The following KLB variants were observed in gnomAD, a reference collection of about 807,000 sequenced individuals.
KLB encodes the protein klotho beta, also known as beta-klotho.
Under a neutral mutation model 88.4 loss-of-function variants are expected in KLB, and 44 were observed. The ratio of observed to expected loss-of-function variants is 0.50; its 90% confidence interval spans 0.39 to 0.64. The LOEUF (loss-of-function observed/expected upper bound fraction) is 0.64. Ranked by LOEUF, KLB falls within the 30% of genes least tolerant of loss-of-function variation. The pLI is 0.00. For missense variants in KLB, 1,137 were observed against 1,304.8 expected (o/e 0.87, Z 1.98); for synonymous variants, 548 against 513.4 (o/e 1.07, Z -0.91).
chr4:39,430,147 A>G (rs569180172), intron 1 of KLB, among the ~76,000 whole-genome samples: 113 of 152,330 alleles, frequency 7.4e-4, no homozygotes, highest in African/African-American at 2.6e-3. Flanking sequence ...TCATATAATC[A>G]CTGAAATTTA....
intron 1 of KLB, among the ~76,000 whole-genome samples, chr4:39,417,535 A>T (rs1742990298): frequency 6.6e-6 from 1 of 151,732 alleles, no homozygotes; most frequent in South Asian, 2.1e-4. Flanking sequence ...CTGGTCTTGA[A>T]CTCCTAACCT....
At chr4:39,426,430 AAAAAAAAAG>A (rs1220541055) in intron 1 of KLB, among the ~76,000 whole-genome samples, 2 of 147,540 alleles carry the variant, frequency 1.4e-5, no homozygotes, top group Non-Finnish European at 3.0e-5. Flanking sequence ...AAAAAAAAAA[AAAAAAAAAG>A]GGCCATGAAA....
chr4:39,448,460 A>C lies in KLB; in HGVS notation c.2909A>C (p.Glu970Ala). The C allele has an allele frequency of 6.2e-7, 1 of 1,614,168 alleles. No homozygotes were observed. The highest frequency in any genetic ancestry group is 1.3e-5 in the African/African-American group (1 of 75,070). Residue 970 changes from glutamate to alanine, a missense_variant, in exon 5 of 5, where the codon GAG becomes GCG. Around this residue, in one of 4 missense-constraint regions of KLB, gnomAD observed 426 missense variants for 404.6 expected, o/e 1.05. Coordinates refer to ENST00000257408, the MANE Select transcript of KLB (RefSeq NM_175737.4). ...KVISSRGFPF[E>A]NSSSRCSQTQ... is the part of the protein sequence containing the mutation. ...ATCAGCAGCAGGGGCTTCCCTTTTG[A>C]GAACAGTAGTTCTAGATGCAGTCAG...
chr4:39,407,375 T>C lies in KLB; in HGVS notation c.426T>C (p.Asp142=). ...TGGAAAAAGACTTATCAGCCCTGGA[T>C]TTTATAGGAGTTTCTTTTTATCAAT... ...IFLEKDLSAL[D]FIGVSFYQFS... is the part of the protein sequence containing the mutation. Residue 142 remains aspartate, a synonymous_variant, in exon 1 of 5, where the codon GAT becomes GAC. Coordinates refer to ENST00000257408, the MANE Select transcript of KLB (RefSeq NM_175737.4). The C allele has an allele frequency of 1.2e-6, 2 of 1,613,930 alleles. No homozygotes were observed. The highest frequency in any genetic ancestry group is 1.7e-6 in the Non-Finnish European group (2 of 1,179,966).
In KLB at chr4:39,448,313, A is replaced by G; in HGVS notation, c.2762A>G (p.Asp921Gly). ...TTATCTTTTTCAGCATACCTGATTG[A>G]TAAAGTCAGAATCAAAGGCTATTAT... ...LQEVLKAYLIDKVRIKGYYAF... is the reference protein window; with the variant it reads ...LQEVLKAYLIGKVRIKGYYAF... The change falls in exon 5 of 5, where the codon GAT becomes GGT. Residue 921 changes from aspartate to glycine, a missense_variant. Around this residue, in one of 4 missense-constraint regions of KLB, gnomAD observed 426 missense variants for 404.6 expected, o/e 1.05. Coordinates refer to ENST00000257408, the MANE Select transcript of KLB (RefSeq NM_175737.4). 2 of 1,590,966 alleles carry G rather than the reference A, an allele frequency of 1.3e-6. No homozygotes were observed. The highest frequency in any genetic ancestry group is 1.3e-5 in the African/African-American group (1 of 74,248).
intron 3 of KLB, among the ~76,000 whole-genome samples, chr4:39,443,920 G>C (rs1387607519): frequency 6.6e-6 from 1 of 151,960 alleles, no homozygotes; most frequent in East Asian, 1.9e-4. Context: ...ACTTTGGGAG[G>C]CCGAGGTGGG....
At chr4:39,412,898 T>C (rs980198958) in intron 1 of KLB, among the ~76,000 whole-genome samples, 1 of 152,258 alleles carries the variant, frequency 6.6e-6, no homozygotes, top group Non-Finnish European at 1.5e-5. Flanking sequence ...TCAAGTTCAA[T>C]CTTCATATTT....
chr4:39,415,240 A>G (rs1260142646), intron 1 of KLB, among the ~76,000 whole-genome samples: 1 of 152,058 alleles, frequency 6.6e-6, no homozygotes, highest in Non-Finnish European at 1.5e-5. Flanking sequence ...GTGTCACTTT[A>G]TGTTCTATTT....
intron 3 of KLB, among the ~76,000 whole-genome samples, chr4:39,443,907 A>G (rs1743675939): frequency 6.6e-6 from 1 of 152,014 alleles, no homozygotes; most frequent in South Asian, 2.1e-4. Flanking sequence ...CTGTAATCCC[A>G]GCACTTTGGG....
intron 3 of KLB, among the ~76,000 whole-genome samples, chr4:39,439,753 C>T (rs1743557060): frequency 6.6e-6 from 1 of 151,660 alleles, no homozygotes; most frequent in Non-Finnish European, 1.5e-5. Context: ...CTGCAACCTT[C>T]GCCTCCTGGG....
chr4:39,448,757 T>A lies in KLB; in HGVS notation c.*71T>A. On this transcript the variant is annotated 3_prime_UTR_variant, in exon 5 of 5. Transcript: ENST00000257408. Reference sequence around the variant, plus strand: ...CCATATGCTGGTAACTTACAGGAGATATACCTGTATTATAGAAAGACAATC... The same window carrying A: ...CCATATGCTGGTAACTTACAGGAGAAATACCTGTATTATAGAAAGACAATC... 7.5e-7 allele frequency: 1 copy of A among 1,338,568 alleles called. No homozygotes were observed. Among genetic ancestry groups the A allele is most frequent in the Non-Finnish European group, 1.0e-6 (1 of 975,978 alleles). The allele number at this position is 1,338,568 out of a possible 1,614,324, so 82.9% of individuals were successfully genotyped here. A position where few individuals can be genotyped will look rare whatever the true frequency, so the allele number is the denominator to read the frequency against.
intron 1 of KLB, among the ~76,000 whole-genome samples, chr4:39,418,792 A>T (rs1578202945): frequency 6.6e-6 from 1 of 151,792 alleles, no homozygotes; most frequent in Admixed American, 6.6e-5. Flanking sequence ...TACTAAAAAT[A>T]CAAAACTTAG....
intron 3 of KLB, among the ~76,000 whole-genome samples, chr4:39,442,026 G>A (rs1234122823): frequency 2.0e-5 from 3 of 152,120 alleles, no homozygotes; most frequent in Non-Finnish European, 4.4e-5. Context: ...AGGATCACTT[G>A]AGCTCAGGAG....
At chr4:39,422,029 A>G (rs1208515547) in intron 1 of KLB, among the ~76,000 whole-genome samples, 1 of 152,122 alleles carries the variant, frequency 6.6e-6, no homozygotes, top group Non-Finnish European at 1.5e-5. Flanking sequence ...TACAGGCATG[A>G]GCCACCACGC....
rs558180223 is a variant in KLB at position 39,413,838 on chromosome 4, A to T, written c.825+6064A>T. On this transcript the variant is annotated intron_variant, in intron 1 of 4. Coordinates refer to ENST00000257408, the MANE Select transcript of KLB (RefSeq NM_175737.4). ...AAAATCTTTGTCTTTTACTAGTCAC[A>T]TTGGGTTAGGGGGAAAATGTTATCT... Among the ~76,000 whole-genome samples the T allele has an allele frequency of 1.3e-4, 20 of 152,332 alleles. No homozygotes were observed. In the South Asian group the frequency reaches 3.3e-3, roughly 25 times the overall value.
rs1171126878 is a variant in KLB, at chr4:39,447,027, C to G, written c.2301C>G (p.Phe767Leu). Reference sequence around the variant, plus strand: ...GGGCGGCCGAGCGCTTCCTGCAGTTCGAGATCGCCTGGTTCGCCGAGCCGC... The same window carrying G: ...GGGCGGCCGAGCGCTTCCTGCAGTTGGAGATCGCCTGGTTCGCCGAGCCGC... ...HWRAAERFLQ[F>L]EIAWFAEPLF... Residue 767 changes from phenylalanine to leucine, a missense_variant, in exon 4 of 5, where the codon TTC becomes TTG. Physicochemically the swap from Phe to Leu is conservative, Grantham distance 22 (BLOSUM62 0). Around this residue, in one of 4 missense-constraint regions of KLB, gnomAD observed 426 missense variants for 404.6 expected, o/e 1.05. Coordinates refer to ENST00000257408, the MANE Select transcript of KLB (RefSeq NM_175737.4). The G allele has an allele frequency of 4.3e-6, 7 of 1,611,412 alleles. No individual in the cohort carries two copies. In the African/African-American group the frequency reaches 8.0e-5, roughly 18 times the overall value.
At chr4:39,440,617 T>G (rs558384180) in intron 3 of KLB, among the ~76,000 whole-genome samples, 1 of 151,896 alleles carries the variant, frequency 6.6e-6, no homozygotes, top group Admixed American at 6.6e-5. Context: ...AGAGTTTTGC[T>G]TTGTTGCCTG....
At position 39,434,468 on chromosome 4, in the gene KLB, G is replaced by C; in HGVS notation, c.1084G>C (p.Glu362Gln). The C allele has an allele frequency of 6.2e-7, 1 of 1,614,236 alleles. No individual in the cohort carries two copies. The highest frequency in any genetic ancestry group is 1.3e-5 in the African/African-American group (1 of 75,056). The change falls in exon 2 of 5, where the codon GAG becomes CAG. Residue 362 changes from glutamate to glutamine, a missense_variant. Around this residue, in one of 4 missense-constraint regions of KLB, gnomAD observed 597 missense variants for 765.2 expected, o/e 0.78. Transcript: ENST00000257408. ...LPIFSEAEKHEMRGTADFFAF... is the reference protein window; with the variant it reads ...LPIFSEAEKHQMRGTADFFAF... ...CATTTTCTCTGAAGCAGAGAAGCAT[G>C]AGATGAGAGGCACAGCTGATTTCTT...
At chr4:39,438,701 G>A (rs1444288398) in intron 3 of KLB, among the ~76,000 whole-genome samples, 2 of 152,184 alleles carry the variant, frequency 1.3e-5, no homozygotes, top group Non-Finnish European at 2.9e-5. Flanking sequence ...ACCTCACTAG[G>A]GCAGTGCTGG....
Sources: gnomAD v4.1 joint callset for allele counts (sites outside exome capture counted in the v4.1 genomes callset) on GRCh38, gnomAD v4.1.1 for gene constraint, gnomAD v4.1.1 regional missense constraint, MANE v1.5 for transcripts, NCBI Gene and HGNC (gene_info 2026-07-23, HGNC 2026-07-21) for gene names.